The following ESRP1 variants were observed in gnomAD, a reference collection of about 807,000 sequenced individuals.
ESRP1 encodes the protein epithelial splicing regulatory protein 1, also known as RNA-binding motif protein 35A.
ESRP1 carries 33 observed loss-of-function variants against 81.7 expected under a neutral mutation model. That is an observed-to-expected ratio of 0.40 (90% CI 0.31 to 0.54). The LOEUF (loss-of-function observed/expected upper bound fraction) is 0.54, where lower values mean the gene tolerates loss of function less well. Among genes scored for constraint, ESRP1 ranks in the 20% least tolerant of loss-of-function variants. The pLI is 0.41. For synonymous variants in ESRP1, 320 were observed against 303.3 expected (o/e 1.06, Z -0.57); for missense variants, 672 against 833.1 (o/e 0.81, Z 2.38).
rs13269613 is a variant in ESRP1 at position 94,697,337 on chromosome 8, C to T, written c.*35+376C>T. ...GTGGTTTTTAGTATATTCACAAAAT[C>T]GTGCAACTACTACCTCAGTTTAGTT... On this transcript the variant is annotated intron_variant, in intron 15 of 15. Transcript: ENST00000433389. Among the ~76,000 whole-genome samples the T allele has an allele frequency of 3.9e-3, 588 of 152,194 alleles. 7 individuals are homozygous for T. Among genetic ancestry groups the T allele is most frequent in the Middle Eastern group, 6.8e-3 (2 of 294 alleles).
rs542178628 is a variant in ESRP1 at position 94,702,027 on chromosome 8, GTCA to G, written c.*36-3895_*36-3893del. On this transcript the variant is annotated intron_variant, in intron 15 of 15. Coordinates refer to ENST00000433389, the MANE Select transcript of ESRP1 (RefSeq NM_017697.4). ...CAGGAGGTCGAGGTTGCGGTGAGCT[GTCA>G]TCGTGCCACTGCCCTCCAGCCTGGA... Among the ~76,000 whole-genome samples the G allele has an allele frequency of 1.3e-3, 203 of 152,330 alleles. 2 individuals are homozygous for G. The highest frequency in any genetic ancestry group is 4.7e-3 in the African/African-American group (197 of 41,576).
chr8:94,682,692 A>G (rs1808943077), intron 13 of ESRP1, among the ~76,000 whole-genome samples: 1 of 131,228 alleles, frequency 7.6e-6, no homozygotes, highest in Non-Finnish European at 1.7e-5. Context: ...GCGCCAACAA[A>G]GGAAGCACAG....
chr8:94,658,174 A>G lies in ESRP1; in HGVS notation c.491-4098A>G, dbSNP rs141413675. Among the ~76,000 whole-genome samples, 1,041 of 152,178 alleles carry G rather than the reference A, an allele frequency of 6.8e-3. 8 individuals carry two copies. The highest frequency in any genetic ancestry group is 0.023 in the African/African-American group (972 of 41,476). ...GTGATCCACCCACCTCGGCCTCCCA[A>G]AGTGCTGGGATTACAGGCGTGAGCC... On this transcript the variant is annotated intron_variant, in intron 4 of 15. Transcript: ENST00000433389.
Position 94,691,390 on chromosome 8 carries a change from G to A in ESRP1, c.1821-1287G>A, listed in dbSNP as rs113565243. Among the ~76,000 whole-genome samples the A allele has an allele frequency of 8.6e-3, 1,305 of 152,282 alleles. 7 individuals are homozygous for A. The highest frequency in any genetic ancestry group is 0.065 in the Middle Eastern group (19 of 294). On this transcript the variant is annotated intron_variant, in intron 13 of 15. Transcript: ENST00000433389. ...CAGCTTAATGTAAAGTAATAGTTCA[G>A]GCTCCCATTATTTTTAAAATGATGA...
At chr8:94,668,429 A>G in intron 10 of ESRP1, 179 bp downstream of exon 10, 2 of 540,902 alleles carry the variant, frequency 3.7e-6, no homozygotes, top group African/African-American at 1.9e-5. Context: ...CTGTACACAC[A>G]CACAACACAT....
intron 13 of ESRP1, among the ~76,000 whole-genome samples, chr8:94,691,155 T>C (rs1353384884): frequency 6.6e-6 from 1 of 152,192 alleles, no homozygotes; most frequent in South Asian, 2.1e-4. Flanking sequence ...AATCTCACAT[T>C]GTGATCACAT....
chr8:94,679,094 A>G lies in ESRP1; in HGVS notation c.1820+723A>G, dbSNP rs561096546. On this transcript the variant is annotated intron_variant, in intron 13 of 15. Coordinates refer to ENST00000433389, the MANE Select transcript of ESRP1 (RefSeq NM_017697.4). ...CTGTCTGATCCTACAGCTATGTTGC[A>G]TTGTATTTTTCTTCCCTGTCCAATA... 2.6e-5 allele frequency among the ~76,000 whole-genome samples: 4 copies of G among 152,330 alleles called. No homozygotes were observed. The South Asian group carries it at 8.3e-4, about 32-fold the overall frequency.
chr8:94,700,953 ATGTGTGTGTG>A (rs371493650), intron 15 of ESRP1, among the ~76,000 whole-genome samples: 6 of 137,282 alleles, frequency 4.4e-5, no homozygotes, highest in Non-Finnish European at 7.9e-5. Context: ...GTGTGTGTGT[ATGTGTGTGTG>A]TGTGTGTGTG....
intron 13 of ESRP1, among the ~76,000 whole-genome samples, chr8:94,690,402 G>A (rs1809353763): frequency 6.7e-6 from 1 of 149,808 alleles, no homozygotes; most frequent in Admixed American, 6.8e-5. Context: ...CAAAGTGCTG[G>A]GATCACAGGT....
chr8:94,678,961 G>A lies in ESRP1; in HGVS notation c.1820+590G>A, dbSNP rs150861590. Among the ~76,000 whole-genome samples the A allele has an allele frequency of 5.4e-3, 815 of 152,280 alleles. 5 individuals carry two copies. The highest frequency in any genetic ancestry group is 8.0e-3 in the Non-Finnish European group (546 of 68,016). ...AATGGAGAGAATGTTGTCAGTCTGG[G>A]AGTTGGGAGACTGAATGTTAGTTTC... On this transcript the variant is annotated intron_variant, in intron 13 of 15. Coordinates refer to ENST00000433389, the MANE Select transcript of ESRP1 (RefSeq NM_017697.4).
At chr8:94,693,918 T>C (rs1393244194) in intron 14 of ESRP1, among the ~76,000 whole-genome samples, 3 of 152,124 alleles carry the variant, frequency 2.0e-5, no homozygotes, top group Non-Finnish European at 2.9e-5. Context: ...TCTGACAAAA[T>C]CTATGGCTGA....
intron 6 of ESRP1, among the ~76,000 whole-genome samples, chr8:94,662,815 A>C (rs1818816514): frequency 6.6e-6 from 1 of 152,106 alleles, no homozygotes; most frequent in South Asian, 2.1e-4. Context: ...TCACCATATT[A>C]GCCAGGATGG....
intron 13 of ESRP1, among the ~76,000 whole-genome samples, chr8:94,681,325 C>CAAAAAAAAAAAAAAAAA (rs1171703394): frequency 3.2e-5 from 1 of 31,284 alleles, no homozygotes; most frequent in Non-Finnish European, 5.6e-5. Flanking sequence ...GACTCCATCT[C>CAAAAAAAAAAAAAAAAA]AAAAAAAAAA....
chr8:94,663,859 A>G (rs946263712), intron 6 of ESRP1, among the ~76,000 whole-genome samples: 1 of 152,082 alleles, frequency 6.6e-6, no homozygotes, highest in African/African-American at 2.4e-5. Context: ...AGGTGTAGGG[A>G]CTCACAGGCA....
intron 13 of ESRP1, chr8:94,688,331 T>TGC: frequency 4.4e-6 from 1 of 226,498 alleles, no homozygotes; most frequent in South Asian, 7.3e-5. Flanking sequence ...AGTGTTATTG[T>TGC]CCAGTTTCTG....
intron 13 of ESRP1, among the ~76,000 whole-genome samples, chr8:94,692,403 G>A (rs758636814): frequency 2.0e-5 from 3 of 152,032 alleles, no homozygotes; most frequent in Non-Finnish European, 4.4e-5. Context: ...GTTGACATGA[G>A]GCTTACTTCT....
At position 94,681,107 on chromosome 8, in the gene ESRP1, C is replaced by T. The variant is rs201682315; in HGVS notation, c.1820+2736C>T. On this transcript the variant is annotated intron_variant, in intron 13 of 15. Transcript: ENST00000433389. ...TTGGGAGGCCAAGGTGGACGGATCA[C>T]GAGGTCAGGAGATAGAGACCATCCT... 7.9e-5 allele frequency among the ~76,000 whole-genome samples: 12 copies of T among 151,750 alleles called. No individual in the cohort carries two copies. The East Asian group carries it at 1.6e-3, about 20-fold the overall frequency.
rs761573658 is a variant in ESRP1 at position 94,671,495 on chromosome 8, A to G, written c.1276A>G (p.Thr426Ala). The G allele has an allele frequency of 6.2e-7, 1 of 1,612,988 alleles. No homozygotes were observed. Among genetic ancestry groups the G allele is most frequent in the East Asian group, 2.2e-5 (1 of 44,850 alleles). ...CTCGGCCCCTCTCATTCCACTTCCA[A>G]CCCCTCCCATTATTCCAGTACTACC... ...FSSAPLIPLP[T>A]PPIIPVLPQQ... Residue 426 changes from threonine (T) to alanine (A), a missense_variant, in exon 11 of 16, where the codon ACC becomes GCC. Transcript: ENST00000433389.
chr8:94,681,325 C>CAAAAAAAAAAA (rs1171703394), intron 13 of ESRP1, among the ~76,000 whole-genome samples: 7 of 31,284 alleles, frequency 2.2e-4, no homozygotes, highest in African/African-American at 5.0e-4. Context: ...GACTCCATCT[C>CAAAAAAAAAAA]AAAAAAAAAA....
Sources: allele counts gnomAD v4.1 joint callset (sites outside exome capture counted in the v4.1 genomes callset), GRCh38; gene constraint gnomAD v4.1.1; transcripts MANE v1.5; gene names NCBI Gene and HGNC (gene_info 2026-07-23, HGNC 2026-07-21).